Variants in ZNF420 observed in about 807,000 individuals in gnomAD.
The protein encoded by ZNF420 is ATM and p53-associated KZNF protein.
A neutral mutation model predicts 44.7 loss-of-function variants in ZNF420; 31 were observed. The ratio of observed to expected loss-of-function variants is 0.69; its 90% CI spans 0.52 to 0.94. The LOEUF (loss-of-function observed/expected upper bound fraction) is 0.94. Among genes scored for constraint, ZNF420 ranks in the 40% least tolerant of loss-of-function variants. The pLI, the probability that ZNF420 is intolerant of heterozygous loss-of-function variation, is 0.00. For synonymous variants in ZNF420, 245 were observed against 267.4 expected (o/e 0.92, Z 0.82); for missense variants, 681 against 827.9 (o/e 0.82, Z 2.18).
At chr19:37,102,506 T>A (rs1969835549) in intron 4 of ZNF420, among the ~76,000 whole-genome samples, 1 of 152,170 alleles carries the variant, frequency 6.6e-6, no homozygotes, top group Non-Finnish European at 1.5e-5. Flanking sequence ...CAGATGGTTT[T>A]GATTGCACGC....
chr19:37,025,504 A>G (rs1967139753), intron 1 of ZNF420, among the ~76,000 whole-genome samples: 1 of 151,934 alleles, frequency 6.6e-6, no homozygotes, highest in Non-Finnish European at 1.5e-5. Flanking sequence ...AGTTCCTTTT[A>G]TAATAGCAGA....
chr19:37,060,938 G>A (rs1045520396), intron 1 of ZNF420, among the ~76,000 whole-genome samples: 1 of 152,098 alleles, frequency 6.6e-6, no homozygotes, highest in Non-Finnish European at 1.5e-5. Context: ...CTACCTGGGC[G>A]GTGGAGGGTT....
chr19:37,023,300 T>C (rs973902735), intron 1 of ZNF420, among the ~76,000 whole-genome samples: 1 of 152,160 alleles, frequency 6.6e-6, no homozygotes, highest in African/African-American at 2.4e-5. Flanking sequence ...TCCTCTCAAT[T>C]TTCCTCTATT....
chr19:37,118,096 C>A (rs567085618), intron 4 of ZNF420, among the ~76,000 whole-genome samples: 216 of 152,020 alleles, frequency 1.4e-3, no homozygotes, highest in Non-Finnish European at 2.5e-3. Context: ...AGGCAGGCCA[C>A]CATTCAGATT....
intron 4 of ZNF420, among the ~76,000 whole-genome samples, chr19:37,104,858 C>T (rs1422583883): frequency 1.3e-5 from 2 of 151,960 alleles, no homozygotes; most frequent in African/African-American, 4.8e-5. Flanking sequence ...GGGTTGTTTT[C>T]TTCTTATAAA....
chr19:37,118,256 C>A (rs1421421625), intron 4 of ZNF420, among the ~76,000 whole-genome samples: 1 of 152,224 alleles, frequency 6.6e-6, no homozygotes, highest in Non-Finnish European at 1.5e-5. Context: ...GGAAGCCCAT[C>A]AGACTAACAG....
At chr19:37,030,562 GC>G (rs1322426805) in intron 1 of ZNF420, among the ~76,000 whole-genome samples, 1 of 152,180 alleles carries the variant, frequency 6.6e-6, no homozygotes, top group Non-Finnish European at 1.5e-5. Context: ...TTGGTATAAT[GC>G]CCTCCAGGCT....
chr19:37,120,132 ATC>A (rs1970944264), intron 4 of ZNF420, among the ~76,000 whole-genome samples: 1 of 152,262 alleles, frequency 6.6e-6, no homozygotes, highest in Non-Finnish European at 1.5e-5. Context: ...TGAGGCCAGC[ATC>A]ATCCTGATAC....
intron 1 of ZNF420, among the ~76,000 whole-genome samples, chr19:37,050,450 C>T (rs990100768): frequency 6.6e-5 from 10 of 151,986 alleles, no homozygotes; most frequent in East Asian, 5.8e-4. Context: ...TAAGTTGGAT[C>T]CCTAGATATT....
At chr19:37,071,715 C>T (rs979212135) in intron 1 of ZNF420, among the ~76,000 whole-genome samples, 4 of 152,208 alleles carry the variant, frequency 2.6e-5, no homozygotes, top group African/African-American at 2.4e-5. Flanking sequence ...GCAGGAGAAT[C>T]GCTTGAACCC....
chr19:37,126,107 A>C (rs963715586), intron 4 of ZNF420, among the ~76,000 whole-genome samples: 3 of 151,880 alleles, frequency 2.0e-5, no homozygotes, highest in African/African-American at 7.3e-5. Context: ...ACTCTTTATT[A>C]TGTAAACGCT....
rs577263560 is a variant in ZNF420 at position 37,055,788 on chromosome 19, G to A, written c.-124-24557G>A. Among the ~76,000 whole-genome samples, 11 of 152,288 alleles carry A rather than the reference G, an allele frequency of 7.2e-5. No individual in the cohort carries two copies. The South Asian group carries it at 2.1e-3, about 29-fold the overall frequency. Reference sequence around the variant, plus strand: ...ACTGTTTCAGGATTCCAGGAGACACGGAGGGGCAAACAGGATGAAGAAACA... The same window carrying A: ...ACTGTTTCAGGATTCCAGGAGACACAGAGGGGCAAACAGGATGAAGAAACA... On this transcript the variant is annotated intron_variant, in intron 1 of 4. Coordinates refer to the ZNF420 transcript ENST00000587029.
rs529294077 is a variant in ZNF420 at position 37,015,571 on chromosome 19, C to T, written c.-125+7489C>T. Among the ~76,000 whole-genome samples the T allele has an allele frequency of 2.0e-5, 3 of 152,080 alleles. No individual in the cohort carries two copies. The East Asian group carries it at 5.8e-4, about 29-fold the overall frequency. The stretch of plus-strand genomic sequence containing the variant: ...ATCTTCTTTCAGTTCCATTCCGGGT[C>T]AAAAAGAAATGATGTGTGTAGAAAT... On this transcript the variant is annotated intron_variant, in intron 1 of 4. Coordinates refer to the ZNF420 transcript ENST00000587029.
intron 1 of ZNF420, among the ~76,000 whole-genome samples, chr19:37,010,159 G>T (rs957080354): frequency 6.6e-6 from 1 of 152,212 alleles, no homozygotes; most frequent in Admixed American, 6.5e-5. Flanking sequence ...CAAAGCAGGA[G>T]CCCTCCGTGG....
upstream of ZNF420, chr19:37,078,090 C>T (rs1968209077): frequency 1.3e-5 from 2 of 153,214 alleles, no homozygotes; most frequent in African/African-American, 2.4e-5. Flanking sequence ...CCAGCTCCTC[C>T]CCCGCACCTG....
intron 1 of ZNF420, among the ~76,000 whole-genome samples, chr19:37,033,789 CT>C (rs1967304719): frequency 6.6e-6 from 1 of 152,150 alleles, no homozygotes; most frequent in African/African-American, 2.4e-5. Flanking sequence ...CAGAGTCTCA[CT>C]CTATCGCCCA....
At chr19:37,097,297 A>T (rs908689472) in intron 4 of ZNF420, among the ~76,000 whole-genome samples, 1 of 144,782 alleles carries the variant, frequency 6.9e-6, no homozygotes, top group African/African-American at 2.7e-5. Flanking sequence ...ACTGATATAT[A>T]TTATATATGA....
intron 1 of ZNF420, among the ~76,000 whole-genome samples, chr19:37,051,686 A>AT (rs1286151536): frequency 2.6e-5 from 4 of 151,726 alleles, no homozygotes; most frequent in Non-Finnish European, 5.9e-5. Flanking sequence ...GAATTCATTG[A>AT]TTTTTTGAAG....
chr19:37,025,056 G>C (rs183385166), intron 1 of ZNF420: 1 of 244,036 alleles, frequency 4.1e-6, no homozygotes, highest in Non-Finnish European at 8.8e-6. Context: ...ACATTAAAAG[G>C]GTTTCTCACC....
Sources: gnomAD v4.1 joint callset for allele counts (sites outside exome capture counted in the v4.1 genomes callset) on GRCh38, gnomAD v4.1.1 for gene constraint, MANE v1.5 for transcripts, NCBI Gene and HGNC (gene_info 2026-07-23, HGNC 2026-07-21) for gene names.